The following DST variants were observed in gnomAD, a reference collection of about 807,000 sequenced individuals.
DST encodes the protein dystonin, also known as bullous pemphigoid antigen.
DST carries 253 observed loss-of-function variants against 875.2 expected under a neutral mutation model. The observed-to-expected ratio is 0.29, with a 90% confidence interval of 0.26 to 0.32. The LOEUF (loss-of-function observed/expected upper bound fraction) is 0.32, where lower values mean the gene tolerates loss of function less well. DST is among the 10% of genes least tolerant of loss of function. The probability of loss-of-function intolerance (pLI) is 1.00; values close to 1 mark genes in which losing one functional copy is unlikely to be tolerated. For missense variants in DST, 8,287 were observed against 9,111.6 expected, an observed-to-expected ratio of 0.91 and a Z score of 3.68; for synonymous variants, 3,124 against 3,197.1, an observed-to-expected ratio of 0.98 and a Z score of 0.77.
intron 4 of DST, among the ~76,000 whole-genome samples, chr6:56,817,600 A>G (rs1430092230): frequency 6.6e-6 from 1 of 152,178 alleles, no homozygotes; most frequent in Non-Finnish European, 1.5e-5. Context: ...TCAAAACAGT[A>G]CATAATTAGC....
At chr6:56,642,777 A>G (rs201076040) in intron 15 of DST, 1 of 1,613,998 alleles carries the variant, frequency 6.2e-7, no homozygotes, top group East Asian at 2.2e-5. Flanking sequence ...AACTATAACT[A>G]CTACTGTGCA....
At chr6:56,653,413 C>T (rs528247191) in intron 10 of DST, among the ~76,000 whole-genome samples, 27 of 152,244 alleles carry the variant, frequency 1.8e-4, no homozygotes, top group Admixed American at 3.9e-4. Context: ...AAGCTGGGTG[C>T]GGTGGCTCAT....
At chr6:56,659,386 G>A (rs1472556647) in intron 10 of DST, among the ~76,000 whole-genome samples, 5 of 152,138 alleles carry the variant, frequency 3.3e-5, no homozygotes. Flanking sequence ...GTTTACAGAG[G>A]GAACTAAGCA....
intron 36 of DST, chr6:56,620,473 T>C (rs372196377): frequency 1.2e-6 from 2 of 1,614,178 alleles, no homozygotes; most frequent in Non-Finnish European, 8.5e-7. Flanking sequence ...TTTCAGCCCT[T>C]ATCTTCTGCA....
intron 3 of DST, among the ~76,000 whole-genome samples, chr6:56,884,245 T>C (rs539560975): frequency 9.8e-4 from 150 of 152,336 alleles, no homozygotes; most frequent in African/African-American, 3.5e-3. Flanking sequence ...CTTTTAAGTC[T>C]CTTTTCTTGT....
chr6:56,616,439 T>C (rs190064001), intron 36 of DST: 12 of 1,614,128 alleles, frequency 7.4e-6, no homozygotes, highest in Middle Eastern at 1.6e-4. Context: ...TGTTTTAGTA[T>C]CTACTACAGA....
At position 56,593,842 on chromosome 6, in the gene DST, C is replaced by T; in HGVS notation, c.12547G>A (p.Asp4183Asn). The T allele has an allele frequency of 1.2e-6, 2 of 1,613,922 alleles. No individual in the cohort carries two copies. The highest frequency in any genetic ancestry group is 1.7e-6 in the Non-Finnish European group (2 of 1,179,868). The stretch of plus-strand genomic sequence containing the variant: ...AAGTCACCTTTGTGAGAAATAACGT[C>T]TTCTGAGAAACTCTTCTGCCTCTTC... ...KLKRQKSFSEDVISHKGDLRY... is the reference protein window; with the variant it reads ...KLKRQKSFSENVISHKGDLRY... The change falls in exon 48 of 104, where the codon GAC (aspartate) becomes AAC (asparagine). Residue 4183 changes from aspartate (D) to asparagine (N), a missense_variant. Around this residue, in one of 10 missense-constraint regions of DST, gnomAD observed 1,513 missense variants for 1,677.8 expected, o/e 0.90. Transcript: ENST00000680361.
At chr6:56,801,663 A>G (rs958922530) in intron 4 of DST, among the ~76,000 whole-genome samples, 1 of 152,116 alleles carries the variant, frequency 6.6e-6, no homozygotes, top group African/African-American at 2.4e-5. Context: ...AGCCCCAAGG[A>G]AAAAAATCAC....
chr6:56,667,712 C>T (rs1314425388), intron 10 of DST, among the ~76,000 whole-genome samples: 1 of 151,922 alleles, frequency 6.6e-6, no homozygotes, highest in South Asian at 2.1e-4. Context: ...AAATTCTCAC[C>T]TAAAGCAGTA....
intron 47 of DST, 35 bp downstream of exon 47, chr6:56,597,705 G>A (rs1422540388): frequency 6.3e-7 from 1 of 1,581,336 alleles, no homozygotes. Flanking sequence ...CCTGGAAATA[G>A]AATTGAACGA....
intron 4 of DST, among the ~76,000 whole-genome samples, chr6:56,825,294 AAGGCAGCATGCTCGTTAAGAGTCATC>A: frequency 6.7e-6 from 1 of 148,188 alleles, no homozygotes; most frequent in African/African-American, 2.5e-5. Flanking sequence ...CAGATGCTTG[AAGGCAGCATGCTCGTTAAGAGTCATC>A]ACCACTCCCT....
chr6:56,555,772 A>T lies in DST; in HGVS notation c.14709T>A (p.Ile4903=), dbSNP rs199986238. The T allele has an allele frequency of 8.1e-5, 128 of 1,584,208 alleles. No individual in the cohort carries two copies. The Middle Eastern group carries it at 2.7e-3, about 33-fold the overall frequency. ...AAGGGTCTTCTCCAGGCCTGCTCAG[A>T]ATGCCCTGACCAGCTGCTGTCAGCT... is the stretch of plus-strand genomic sequence containing the variant. ...YEQLTAAGQG[I]LSRPGEDPSL... Residue 4903 remains isoleucine (I), a synonymous_variant, in exon 60 of 104, where the codon ATT becomes ATA. Transcript: ENST00000680361.
At chr6:56,610,325 C>T in intron 39 of DST, 102 bp downstream of exon 39, 1 of 917,440 alleles carries the variant, frequency 1.1e-6, no homozygotes, top group South Asian at 2.1e-5. Context: ...TAACTACGTA[C>T]AAAATTCAAG....
intron 61 of DST, among the ~76,000 whole-genome samples, chr6:56,545,970 A>G (rs1258914543): frequency 6.6e-6 from 1 of 152,216 alleles, no homozygotes; most frequent in Non-Finnish European, 1.5e-5. Flanking sequence ...TAGTTTTCAA[A>G]CTATTAAATT....
chr6:56,464,052 A>C, intron 100 of DST: 1 of 464,160 alleles, frequency 2.2e-6, no homozygotes, highest in Non-Finnish European at 4.0e-6. Context: ...TGTCAGCATG[A>C]AAATGGAAAG....
intron 9 of DST, among the ~76,000 whole-genome samples, chr6:56,674,622 CATA>C (rs1467101609): frequency 6.6e-6 from 1 of 152,090 alleles, no homozygotes; most frequent in Admixed American, 6.6e-5. Flanking sequence ...TTAAAACTTA[CATA>C]ATAACAACAA....
intron 4 of DST, among the ~76,000 whole-genome samples, chr6:56,778,270 G>A (rs184079204): frequency 1.5e-3 from 228 of 150,876 alleles, no homozygotes; most frequent in Non-Finnish European, 2.2e-3. Context: ...GGTTATCATG[G>A]TACAGAACTG....
chr6:56,900,343 A>G, intron 3 of DST, 78 bp downstream of exon 3: 1 of 1,170,562 alleles, frequency 8.5e-7, no homozygotes, highest in South Asian at 1.3e-5. Context: ...TAATCTGATA[A>G]TGTTTTTAAA....
At chr6:56,825,006 A>C (rs887605885) in intron 4 of DST, among the ~76,000 whole-genome samples, 2 of 152,238 alleles carry the variant, frequency 1.3e-5, no homozygotes, top group Admixed American at 1.3e-4. Context: ...TGTACCCAAC[A>C]GCTCATTGAG....
Sources: allele counts gnomAD v4.1 joint callset (sites outside exome capture counted in the v4.1 genomes callset), GRCh38; gene constraint gnomAD v4.1.1; regional missense constraint gnomAD v4.1.1; transcripts MANE v1.5; gene names NCBI Gene and HGNC (gene_info 2026-07-23, HGNC 2026-07-21).